Variants in ASAP2 observed in about 807,000 individuals in gnomAD.
ASAP2 encodes ArfGAP with SH3 domain, ankyrin repeat and PH domain 2, also known as arf-GAP with SH3 domain, ANK repeat and PH domain-containing protein 2.
A neutral mutation model predicts 131.4 loss-of-function variants in ASAP2; 45 were observed. That is an observed-to-expected ratio of 0.34 (90% CI 0.27 to 0.44). ASAP2 has a LOEUF of 0.44. Ranked by LOEUF, ASAP2 falls within the 20% of genes least tolerant of loss-of-function variation. ASAP2 has a pLI of 1.00. For synonymous variants in ASAP2, 510 were observed against 503.0 expected (o/e 1.01, Z -0.19); for missense variants, 1,011 against 1,297.0 (o/e 0.78, Z 3.39).
rs1387488993 is a variant in ASAP2 at position 9,325,154 on chromosome 2, GT to G, written c.600+1909del. Among the ~76,000 whole-genome samples, 7 of 152,316 alleles carry G rather than the reference GT, an allele frequency of 4.6e-5. No individual in the cohort carries two copies. The East Asian group carries it at 1.3e-3, about 29-fold the overall frequency. On this transcript the variant is annotated intron_variant, in intron 6 of 27. Coordinates refer to ENST00000281419, the MANE Select transcript of ASAP2 (RefSeq NM_003887.3). ...GGTTCTTATAGACAGGAGAATGGAT[GT>G]TTTTATACACATTTTTTTGTAAACA...
At chr2:9,394,006 A>G (rs1395839994) in intron 24 of ASAP2, among the ~76,000 whole-genome samples, 1 of 152,164 alleles carries the variant, frequency 6.6e-6, no homozygotes, top group Non-Finnish European at 1.5e-5. Flanking sequence ...TGGATTTCCC[A>G]CAAACAAGGA....
intron 1 of ASAP2, among the ~76,000 whole-genome samples, chr2:9,273,839 C>T (rs1383484579): frequency 6.6e-6 from 1 of 152,190 alleles, no homozygotes; most frequent in Non-Finnish European, 1.5e-5. Context: ...TATGCAGCCT[C>T]CAGCTGCATG....
intron 11 of ASAP2, among the ~76,000 whole-genome samples, chr2:9,347,533 A>C (rs964237641): frequency 2.6e-5 from 4 of 152,348 alleles, no homozygotes; most frequent in African/African-American, 9.6e-5. Flanking sequence ...GGAAGCACAC[A>C]GGGTGTATTT....
intron 1 of ASAP2, among the ~76,000 whole-genome samples, chr2:9,265,300 C>A (rs189795363): frequency 6.6e-6 from 1 of 152,214 alleles, no homozygotes; most frequent in Non-Finnish European, 1.5e-5. Flanking sequence ...TTCTACATTA[C>A]GAATTGAGCA....
intron 3 of ASAP2, among the ~76,000 whole-genome samples, chr2:9,305,120 G>A (rs1403127362): frequency 1.3e-5 from 2 of 149,936 alleles, no homozygotes; most frequent in Non-Finnish European, 3.0e-5. Context: ...ACAGATATTG[G>A]TGGAGGGGGT....
chr2:9,390,568 G>A (rs1291095663), intron 22 of ASAP2, among the ~76,000 whole-genome samples: 2 of 152,198 alleles, frequency 1.3e-5, no homozygotes, highest in African/African-American at 4.8e-5. Context: ...TTTGCGGGAG[G>A]GAGGGAGAGA....
At chr2:9,260,115 C>T (rs1019456836) in intron 1 of ASAP2, among the ~76,000 whole-genome samples, 1 of 152,220 alleles carries the variant, frequency 6.6e-6, no homozygotes, top group Non-Finnish European at 1.5e-5. Flanking sequence ...CTCCACCAAC[C>T]TGGGGACTCT....
chr2:9,224,137 T>C (rs1479334514), intron 1 of ASAP2, among the ~76,000 whole-genome samples: 1 of 152,164 alleles, frequency 6.6e-6, no homozygotes, highest in Non-Finnish European at 1.5e-5. Flanking sequence ...CTGGGACACG[T>C]AGCCTAATGT....
chr2:9,301,094 T>G (rs183181234), intron 3 of ASAP2, among the ~76,000 whole-genome samples: 144 of 152,300 alleles, frequency 9.5e-4, no homozygotes, highest in Non-Finnish European at 1.9e-3. Context: ...CTTCTTCCTG[T>G]TTTTGGTCAC....
chr2:9,338,256 A>G (rs376314081), intron 9 of ASAP2, among the ~76,000 whole-genome samples: 14 of 151,984 alleles, frequency 9.2e-5, no homozygotes, highest in African/African-American at 2.4e-4. Context: ...TGAAACCACC[A>G]TGGTTTTCCA....
chr2:9,259,232 G>A (rs1389917020), intron 1 of ASAP2, among the ~76,000 whole-genome samples: 1 of 152,252 alleles, frequency 6.6e-6, no homozygotes, highest in Non-Finnish European at 1.5e-5. Context: ...CTAATGGGCT[G>A]AAGCCCTTCC....
At chr2:9,320,218 G>A in intron 4 of ASAP2, 70 bp from the exon 5 acceptor site, 1 of 1,299,286 alleles carries the variant, frequency 7.7e-7, no homozygotes, top group Non-Finnish European at 1.1e-6. Context: ...GCTAGTACAG[G>A]GATAAGTAAG....
At chr2:9,391,038 CTG>C (rs771617058) in intron 22 of ASAP2, 22 bp from the exon 23 acceptor site, 1 of 1,614,126 alleles carries the variant, frequency 6.2e-7, no homozygotes, top group Non-Finnish European at 8.5e-7. Flanking sequence ...GTGCATGCGT[CTG>C]TGTGCATGCG....
rs960428039 is a variant in ASAP2 at position 9,207,554 on chromosome 2, C to T, written c.126+324C>T. On this transcript the variant is annotated intron_variant, in intron 1 of 27. Transcript: ENST00000281419. The surrounding 1 kb of genome is among the most constrained non-coding windows in gnomAD (Gnocchi z 4.1). The stretch of plus-strand genomic sequence containing the variant: ...GCGAGCGGGGGATCCCGCTGCCCGC[C>T]GCCGCCCGCCGCCGCCCGGGGTCTT... Among the ~76,000 whole-genome samples, 3 of 152,032 alleles carry T rather than the reference C, an allele frequency of 2.0e-5. No individual in the cohort carries two copies. Among genetic ancestry groups the T allele is most frequent in the African/African-American group, 7.2e-5 (3 of 41,422 alleles).
intron 24 of ASAP2, among the ~76,000 whole-genome samples, chr2:9,397,479 A>T (rs1363800963): frequency 2.6e-5 from 4 of 152,052 alleles, no homozygotes; most frequent in African/African-American, 9.7e-5. Flanking sequence ...GTCAGCGCCC[A>T]GTGGAGTTCT....
chr2:9,391,277 G>A, intron 23 of ASAP2, 81 bp downstream of exon 23: 1 of 1,532,906 alleles, frequency 6.5e-7, no homozygotes, highest in Non-Finnish European at 8.8e-7. Context: ...GAGCCACACA[G>A]CTGCCAGCAC....
chr2:9,272,377 T>C (rs537941013), intron 1 of ASAP2, among the ~76,000 whole-genome samples: 2 of 152,378 alleles, frequency 1.3e-5, no homozygotes, highest in African/African-American at 4.8e-5. Context: ...TGTCTATTTA[T>C]ATCTTTTGCC....
intron 3 of ASAP2, among the ~76,000 whole-genome samples, chr2:9,317,272 T>A (rs1424305715): frequency 2.1e-5 from 3 of 140,066 alleles, no homozygotes; most frequent in Non-Finnish European, 4.6e-5. Context: ...CACACACTCA[T>A]ATCCACACCC....
At chr2:9,215,782 T>C (rs554445863) in intron 1 of ASAP2, among the ~76,000 whole-genome samples, 1 of 152,138 alleles carries the variant, frequency 6.6e-6, no homozygotes, top group South Asian at 2.1e-4. Flanking sequence ...AGAGTCTAGC[T>C]GAGAAGAGTT....
Sources: gnomAD v4.1 joint callset for allele counts (sites outside exome capture counted in the v4.1 genomes callset) on GRCh38, gnomAD v4.1.1 for gene constraint, Gnocchi (gnomAD v3.1) non-coding constraint, MANE v1.5 for transcripts, NCBI Gene and HGNC (gene_info 2026-07-23, HGNC 2026-07-21) for gene names.